ZMYND8: variants seen among roughly 807,000 people sequenced by gnomAD.
ZMYND8 encodes the protein MYND-type zinc finger-containing chromatin reader ZMYND8.
A neutral mutation model predicts 140.8 loss-of-function variants in ZMYND8; 37 were observed. The ratio of observed to expected loss-of-function variants is 0.26; its 90% CI spans 0.20 to 0.35. The LOEUF is 0.35. Ranked by LOEUF, ZMYND8 falls within the 10% of genes least tolerant of loss-of-function variation. ZMYND8 has a pLI of 1.00. For synonymous variants in ZMYND8, 592 were observed against 597.1 expected (o/e 0.99, Z 0.12); for missense variants, 1,068 against 1,570.0 (o/e 0.68, Z 5.40).
At chr20:47,275,045 C>T (rs2076176143) in intron 11 of ZMYND8, among the ~76,000 whole-genome samples, 1 of 152,172 alleles carries the variant, frequency 6.6e-6, no homozygotes, top group African/African-American at 2.4e-5. Context: ...GTGTGAAAGG[C>T]TGTCCAAGGC....
chr20:47,292,429 C>A (rs2077323199), intron 5 of ZMYND8, among the ~76,000 whole-genome samples: 1 of 151,014 alleles, frequency 6.6e-6, no homozygotes, highest in South Asian at 2.1e-4. Flanking sequence ...AAAAAAAAAA[C>A]AAAAAAATTG....
Position 47,352,180 on chromosome 20 carries a change from G to A in ZMYND8, c.15-4254C>T, listed in dbSNP as rs917364653. Among the ~76,000 whole-genome samples the A allele has an allele frequency of 5.9e-5, 9 of 152,138 alleles. No homozygotes were observed. In the South Asian group the frequency reaches 6.2e-4, roughly 10 times the overall value. On this transcript the variant is annotated intron_variant, in intron 1 of 22. Transcript: ENST00000471951. ...CTGGGGGAAGGCAAGGAGGAAGCCC[G>A]GTCCCCCTTCTCTTCTCAGTCTATT...
intron 12 of ZMYND8, among the ~76,000 whole-genome samples, chr20:47,255,592 G>GTA (rs1297076197): frequency 3.9e-5 from 5 of 127,392 alleles, no homozygotes; most frequent in Non-Finnish European, 6.3e-5. Flanking sequence ...GTGTGTGTGT[G>GTA]TGTATATATA....
At chr20:47,223,513 T>C (rs1215412667) in intron 19 of ZMYND8, among the ~76,000 whole-genome samples, 1 of 140,830 alleles carries the variant, frequency 7.1e-6, no homozygotes, top group Non-Finnish European at 1.5e-5. Context: ...CTCAAAATAA[T>C]AATAATAATA....
chr20:47,248,782 G>A (rs980747496), intron 13 of ZMYND8, among the ~76,000 whole-genome samples: 1 of 152,054 alleles, frequency 6.6e-6, no homozygotes, highest in Non-Finnish European at 1.5e-5. Flanking sequence ...GGTGAGATCT[G>A]AGCTCAGCCT....
chr20:47,259,899 C>T (rs1014730736), intron 12 of ZMYND8, among the ~76,000 whole-genome samples: 1 of 152,162 alleles, frequency 6.6e-6, no homozygotes, highest in South Asian at 2.1e-4. Flanking sequence ...CCCACGTACA[C>T]GTCAAGATTC....
In ZMYND8 at chr20:47,210,756, C is replaced by G; in HGVS notation, c.*5G>C. On this transcript the variant is annotated 3_prime_UTR_variant, in exon 23 of 23. Transcript: ENST00000471951. ...GGGGTGGGTGGTTTGTGTCCCGATT[C>G]ACTGCTAGTCCCAGAAGGTGTCCAG... The G allele has an allele frequency of 5.0e-6, 8 of 1,614,128 alleles. No homozygotes were observed. Among genetic ancestry groups the G allele is most frequent in the Non-Finnish European group, 6.8e-6 (8 of 1,180,024 alleles).
At chr20:47,339,267 C>T (rs558617575) in intron 2 of ZMYND8, among the ~76,000 whole-genome samples, 5 of 151,810 alleles carry the variant, frequency 3.3e-5, no homozygotes, top group Non-Finnish European at 7.4e-5. Flanking sequence ...CCACAGTGCC[C>T]GGCCCACAAT....
At chr20:47,310,491 T>C (rs531996364) in intron 2 of ZMYND8, among the ~76,000 whole-genome samples, 1 of 152,240 alleles carries the variant, frequency 6.6e-6, no homozygotes, top group East Asian at 1.9e-4. Context: ...GATTTTTCAC[T>C]TTTCTTAAAA....
intron 21 of ZMYND8, among the ~76,000 whole-genome samples, chr20:47,214,942 C>T (rs957517817): frequency 6.6e-6 from 1 of 152,194 alleles, no homozygotes; most frequent in African/African-American, 2.4e-5. Flanking sequence ...CTGCTGCTGA[C>T]CACGGTGGCA....
chr20:47,287,388 G>A (rs2076988738), intron 7 of ZMYND8, 104 bp from the exon 8 acceptor site: 3 of 1,015,472 alleles, frequency 3.0e-6, no homozygotes, highest in Non-Finnish European at 4.6e-6. Flanking sequence ...TTTCCCCCAG[G>A]ATTAAGCTTT....
rs1164294884 is a variant in ZMYND8 at position 47,311,119 on chromosome 20, T to C, written c.86-915A>G. ...AACAACATCATTTATTCGTGTTTAA[T>C]AGGCTATGAACTGTAATTGTGTGGA... is the stretch of plus-strand genomic sequence containing the variant. On this transcript the variant is annotated intron_variant, in intron 2 of 22. Transcript: ENST00000471951. 5.3e-5 allele frequency among the ~76,000 whole-genome samples: 8 copies of C among 152,232 alleles called. No homozygotes were observed. In the South Asian group the frequency reaches 1.2e-3, roughly 24 times the overall value.
rs147815395 is a variant in ZMYND8, at chr20:47,246,465, C to T, written c.1827G>A (p.Ser609=). 1.1e-5 allele frequency: 18 copies of T among 1,613,438 alleles called. No individual in the cohort carries two copies. Among genetic ancestry groups the T allele is most frequent in the African/African-American group, 9.3e-5 (7 of 74,884 alleles). Residue 609 remains serine (S), a synonymous_variant, in exon 14 of 23, where the codon TCG becomes TCA. Coordinates refer to ENST00000471951, the MANE Select transcript of ZMYND8 (RefSeq NM_001281775.3). ...DVYTAVEHSD[S]EDSEKSDSSD... ...TACTATCTGACTTCTCAGAATCCTC[C>T]GAATCGCTGTGCTCTACGGCCGTAT...
chr20:47,306,966 G>C (rs1039551971), intron 3 of ZMYND8, among the ~76,000 whole-genome samples: 15 of 152,128 alleles, frequency 9.9e-5, no homozygotes, highest in Admixed American at 6.6e-5. Flanking sequence ...TGTGTCTAAA[G>C]GGGCAGGCTT....
At chr20:47,227,132 T>C (rs1462372918) in intron 18 of ZMYND8, 71 bp downstream of exon 18, 3 of 1,502,556 alleles carry the variant, frequency 2.0e-6, no homozygotes, top group African/African-American at 1.4e-5. Flanking sequence ...ACATCTCGGC[T>C]TGACTCCAGA....
chr20:47,227,640 G>C (rs1212818444), intron 17 of ZMYND8, among the ~76,000 whole-genome samples: 1 of 151,440 alleles, frequency 6.6e-6, no homozygotes, highest in East Asian at 1.9e-4. Flanking sequence ...ATAACATTTA[G>C]GTGGTGGGAT....
At chr20:47,322,217 G>A (rs530316021) in intron 2 of ZMYND8, among the ~76,000 whole-genome samples, 1 of 152,130 alleles carries the variant, frequency 6.6e-6, no homozygotes, top group African/African-American at 2.4e-5. Context: ...CCATGGTAAA[G>A]CGGCTATTAA....
chr20:47,323,880 C>T (rs2080171223), intron 2 of ZMYND8, among the ~76,000 whole-genome samples: 1 of 151,946 alleles, frequency 6.6e-6, no homozygotes, highest in Non-Finnish European at 1.5e-5. Context: ...GCCTCAGAGT[C>T]CTAGTCATCT....
In ZMYND8 at chr20:47,221,545, C is replaced by G; in HGVS notation, c.3257-71G>C. On this transcript the variant is annotated intron_variant, in intron 19 of 22. Coordinates refer to ENST00000471951, the MANE Select transcript of ZMYND8 (RefSeq NM_001281775.3). Reference sequence around the variant, plus strand: ...GATGATTTTGAAACATGCATGGAGCCCCGCCCTGCACCCAGTGGCACCCAA... The same window carrying G: ...GATGATTTTGAAACATGCATGGAGCGCCGCCCTGCACCCAGTGGCACCCAA... 3 of 1,529,420 alleles carry G rather than the reference C, an allele frequency of 2.0e-6. No individual in the cohort carries two copies. In the South Asian group the frequency reaches 3.7e-5, roughly 19 times the overall value. 94.7% of individuals were successfully genotyped at this position (1,529,420 alleles called of 1,614,324 possible). A position where few individuals can be genotyped will look rare whatever the true frequency, so the allele number is the denominator to read the frequency against.
Sources: gnomAD v4.1 joint callset for allele counts (sites outside exome capture counted in the v4.1 genomes callset) on GRCh38, gnomAD v4.1.1 for gene constraint, MANE v1.5 for transcripts, NCBI Gene and HGNC (gene_info 2026-07-23, HGNC 2026-07-21) for gene names.